Variants in KATNAL2 observed in about 807,000 individuals in gnomAD.
KATNAL2 encodes the protein katanin p60 ATPase-containing subunit A-like 2.
Under a neutral mutation model 76.3 loss-of-function variants are expected in KATNAL2, and 52 were observed. The ratio of observed to expected loss-of-function variants is 0.68; its 90% confidence interval spans 0.55 to 0.86. KATNAL2 has a LOEUF of 0.86. Ranked by LOEUF, KATNAL2 falls within the 40% of genes least tolerant of loss-of-function variation. The pLI is 0.00. For missense variants in KATNAL2, 660 were observed against 668.9 expected (o/e 0.99, Z 0.15); for synonymous variants, 243 against 244.2 (o/e 1.00, Z 0.05).
intron 11 of KATNAL2, 112 bp downstream of exon 11, chr18:47,067,231 T>G (rs1406603335): frequency 2.1e-6 from 1 of 471,794 alleles, no homozygotes; most frequent in Non-Finnish European, 3.9e-6. Context: ...GTCCACACGT[T>G]AACTCTTTGC....
chr18:46,959,211 A>T (rs997834463), intron 3 of KATNAL2, among the ~76,000 whole-genome samples: 1 of 152,270 alleles, frequency 6.6e-6, no homozygotes, highest in Admixed American at 6.5e-5. Flanking sequence ...CACTAATTAA[A>T]CAAACTCTAA....
intron 3 of KATNAL2, among the ~76,000 whole-genome samples, chr18:47,043,423 A>AT (rs1184197464): frequency 6.6e-6 from 1 of 152,134 alleles, no homozygotes. Context: ...AATGTGTGCT[A>AT]TTTTTTGTTG....
At chr18:47,044,406 G>T (rs1230576292) in intron 3 of KATNAL2, among the ~76,000 whole-genome samples, 2 of 152,144 alleles carry the variant, frequency 1.3e-5, no homozygotes, top group Non-Finnish European at 2.9e-5. Flanking sequence ...ATGGATGGTG[G>T]TGATGGTTGT....
In KATNAL2 at chr18:47,058,363, C is replaced by T. The variant is rs112463898; in HGVS notation, c.450+11C>T. The T allele has an allele frequency of 4.7e-3, 7,054 of 1,490,872 alleles. 277 individuals are homozygous for T. The African/African-American group carries it at 0.085, about 18-fold the overall frequency. 92.4% of individuals were successfully genotyped at this position (1,490,872 alleles called of 1,614,324 possible). A position where few individuals can be genotyped will look rare whatever the true frequency, so the allele number is the denominator to read the frequency against. ...GAGCATCCTAATCAGGTCAGGATGG[C>T]TTGGCTTGACTTTGTGAACAGCACA... On this transcript the variant is annotated intron_variant, in intron 7 of 17. Coordinates refer to ENST00000683218, the MANE Select transcript of KATNAL2 (RefSeq NM_001387690.1).
chr18:46,939,255 C>T (rs1297873553), intron 1 of KATNAL2, among the ~76,000 whole-genome samples: 2 of 151,612 alleles, frequency 1.3e-5, no homozygotes, highest in Non-Finnish European at 2.9e-5. Flanking sequence ...AATTGTTGAA[C>T]CCGGGAGGCG....
chr18:47,062,882 A>G (rs2061678928), intron 8 of KATNAL2, 90 bp from the exon 9 acceptor site: 1 of 986,666 alleles, frequency 1.0e-6, no homozygotes, highest in Non-Finnish European at 1.5e-6. Context: ...ACCAGGGTCT[A>G]TAAATGTGTC....
intron 1 of KATNAL2, chr18:46,920,032 G>C (rs2058446667): frequency 7.8e-7 from 1 of 1,286,112 alleles, no homozygotes; most frequent in Admixed American, 2.3e-5. Context: ...AGTAAGAAAA[G>C]AAAAGCAAAG....
chr18:46,957,204 A>T (rs547376512), intron 3 of KATNAL2, among the ~76,000 whole-genome samples: 22 of 149,352 alleles, frequency 1.5e-4, no homozygotes, highest in African/African-American at 4.4e-4. Context: ...TCGGGGTGAG[A>T]CTAACGTTTG....
intron 1 of KATNAL2, among the ~76,000 whole-genome samples, chr18:46,921,543 A>C (rs2058545595): frequency 6.6e-6 from 1 of 152,210 alleles, no homozygotes; most frequent in African/African-American, 2.4e-5. Context: ...GGAAAAGAAA[A>C]ATGACTACAC....
At chr18:47,084,163 A>G (rs2062656526) in intron 15 of KATNAL2, among the ~76,000 whole-genome samples, 1 of 152,146 alleles carries the variant, frequency 6.6e-6, no homozygotes, top group African/African-American at 2.4e-5. Flanking sequence ...TTCTTTTTTC[A>G]GCCAAATTTG....
intron 15 of KATNAL2, among the ~76,000 whole-genome samples, chr18:47,086,469 C>A (rs1280555340): frequency 6.6e-6 from 1 of 152,184 alleles, no homozygotes; most frequent in Non-Finnish European, 1.5e-5. Flanking sequence ...ACACCCACCA[C>A]CATGCCCAGC....
At chr18:47,045,790 A>T (rs185031285) in intron 3 of KATNAL2, among the ~76,000 whole-genome samples, 2 of 152,374 alleles carry the variant, frequency 1.3e-5, no homozygotes, top group African/African-American at 4.8e-5. Context: ...ATTACTGAAC[A>T]TGACTATTTT....
intron 15 of KATNAL2, among the ~76,000 whole-genome samples, chr18:47,086,940 C>T (rs2062802431): frequency 6.6e-6 from 1 of 152,192 alleles, no homozygotes; most frequent in Non-Finnish European, 1.5e-5. Context: ...TTCTTCTTCA[C>T]AGGGTGTAGG....
chr18:46,948,507 C>T (rs1336788753), intron 3 of KATNAL2, among the ~76,000 whole-genome samples: 1 of 149,928 alleles, frequency 6.7e-6, no homozygotes, highest in Non-Finnish European at 1.5e-5. Flanking sequence ...TCACCGCAAC[C>T]TCTGCCTCCT....
intron 15 of KATNAL2, among the ~76,000 whole-genome samples, chr18:47,082,880 T>C (rs1487751005): frequency 6.6e-6 from 1 of 152,214 alleles, no homozygotes; most frequent in Admixed American, 6.5e-5. Context: ...GCAGAGGTTG[T>C]ACCACTTTGT....
At chr18:47,097,145 A>G (rs1038327850) in intron 15 of KATNAL2, among the ~76,000 whole-genome samples, 1 of 150,698 alleles carries the variant, frequency 6.6e-6, no homozygotes, top group Non-Finnish European at 1.5e-5. Flanking sequence ...AAAAAATCCA[A>G]CTCTGTGTGT....
At position 47,084,847 on chromosome 18, in the gene KATNAL2, T is replaced by TAAAAA. The variant is rs34034453; in HGVS notation, c.1211+7410_1211+7414dup. ...CTGGATGACAGAGCAAGACTCTGTC[T>TAAAAA]AAAAAAAAAAAAAAAAAAAAAAAAA... On this transcript the variant is annotated intron_variant, in intron 15 of 17. Transcript: ENST00000683218. Among the ~76,000 whole-genome samples the TAAAAA allele has an allele frequency of 2.9e-3, 73 of 25,540 alleles. 12 individuals are homozygous for TAAAAA. The highest frequency in any genetic ancestry group is 8.9e-3 in the African/African-American group (49 of 5,534). 16.8% of individuals were successfully genotyped at this position (25,540 alleles called of 152,430 possible).
At chr18:47,068,113 T>C (rs552792508) in intron 11 of KATNAL2, among the ~76,000 whole-genome samples, 218 of 152,358 alleles carry the variant, frequency 1.4e-3, no homozygotes, top group African/African-American at 4.5e-3. Flanking sequence ...TCAAGTCTTT[T>C]ACATTTGCTA....
intron 1 of KATNAL2, among the ~76,000 whole-genome samples, chr18:46,932,673 C>CAAAAAAAAAAAAAAAAAA (rs1162695359): frequency 2.3e-5 from 1 of 42,850 alleles, no homozygotes; most frequent in African/African-American, 9.0e-5. Flanking sequence ...GACTCTGTCT[C>CAAAAAAAAAAAAAAAAAA]AAAAAAAAAA....
Sources: gnomAD v4.1 joint callset for allele counts (sites outside exome capture counted in the v4.1 genomes callset) on GRCh38, gnomAD v4.1.1 for gene constraint, MANE v1.5 for transcripts, NCBI Gene and HGNC (gene_info 2026-07-23, HGNC 2026-07-21) for gene names.